Variants in IRS1 observed in about 807,000 individuals in gnomAD.
IRS1 encodes the protein insulin receptor substrate 1.
Under a neutral mutation model 65.6 loss-of-function variants are expected in IRS1, and 34 were observed. The observed-to-expected ratio is 0.52, with a 90% CI of 0.39 to 0.69. The LOEUF is 0.69. IRS1 is among the 30% of genes least tolerant of loss of function. IRS1 has a pLI of 0.00. For missense variants in IRS1, 1,641 were observed against 1,720.2 expected, an observed-to-expected ratio of 0.95 and a Z score of 0.81; for synonymous variants, 699 against 683.5, an observed-to-expected ratio of 1.02 and a Z score of -0.35.
chr2:226,737,532 G>A (rs541069577), intron 1 of IRS1, among the ~76,000 whole-genome samples: 10 of 152,292 alleles, frequency 6.6e-5, no homozygotes, highest in Non-Finnish European at 5.9e-5. Flanking sequence ...GAATGAGTAC[G>A]TGGTTGCACT....
rs553359474 is a variant in IRS1 at position 226,795,224 on chromosome 2, C to A, written c.3515G>T (p.Gly1172Val). Reference protein sequence around the residue: ...EPAKLCGAAGGLENGLNYIDL... With the variant: ...EPAKLCGAAGVLENGLNYIDL... ...TATGTAGTTAAGACCATTCTCCAAACCCCCAGCAGCCCCACACAGTTTGGC... is the reference window on the plus strand; with the variant it reads ...TATGTAGTTAAGACCATTCTCCAAAACCCCAGCAGCCCCACACAGTTTGGC... The change falls in exon 1 of 2, where the codon GGT becomes GTT. Residue 1172 changes from glycine to valine, a missense_variant. This residue lies in a region of IRS1 where 1,324 missense variants were observed against 1,361.0 expected (regional missense o/e 0.97). Transcript: ENST00000305123. The A allele has an allele frequency of 7.4e-6, 12 of 1,614,050 alleles. No individual in the cohort carries two copies. The Admixed American group carries it at 1.2e-4, about 16-fold the overall frequency.
Position 226,799,628 on chromosome 2 carries a change from A to G in IRS1, c.-890T>C. 1 of 1,002,200 alleles carries G rather than the reference A, an allele frequency of 1.0e-6. No homozygotes were observed. Among genetic ancestry groups the G allele is most frequent in the Non-Finnish European group, 1.2e-6 (1 of 831,706 alleles). 62.1% of individuals were successfully genotyped at this position (1,002,200 alleles called of 1,614,324 possible). On this transcript the variant is annotated 5_prime_UTR_variant, in exon 1 of 2. Transcript: ENST00000305123. The surrounding 1 kb of genome is among the most constrained non-coding windows in gnomAD (Gnocchi z 6.1). ...TCGGGGAAGACGCCTGTTCCTCGGGAGGCGCTGCCGCTGCAGTTACTTCTC... is the reference window on the plus strand; with the variant it reads ...TCGGGGAAGACGCCTGTTCCTCGGGGGGCGCTGCCGCTGCAGTTACTTCTC...
intron 1 of IRS1, among the ~76,000 whole-genome samples, chr2:226,744,728 C>T (rs1419873311): frequency 2.0e-5 from 3 of 152,156 alleles, no homozygotes; most frequent in African/African-American, 7.2e-5. Context: ...CATCCCCTCA[C>T]CCCCAGCCAT....
rs1247669490 is a variant in IRS1, at chr2:226,797,909, G to C, written c.830C>G (p.Ser277Cys). 6.2e-7 allele frequency: 1 copy of C among 1,613,814 alleles called. No individual in the cohort carries two copies. Among genetic ancestry groups the C allele is most frequent in the Non-Finnish European group, 8.5e-7 (1 of 1,179,978 alleles). The change falls in exon 1 of 2, where the codon TCT becomes TGT. Residue 277 changes from serine (S) to cysteine (C), a missense_variant. Coordinates refer to ENST00000305123, the MANE Select transcript of IRS1 (RefSeq NM_005544.3). This position sits in a 1 kb window ranked among gnomAD's most constrained non-coding sequence, Gnocchi z 8.1. ...RSKSQSSSNC[S>C]NPISVPLRRH... The stretch of plus-strand genomic sequence containing the variant: ...GCGCAGGGGGACGCTGATGGGGTTA[G>C]AGCAGTTGGACGAGGACTGGCTCTT...
At chr2:226,776,119 A>T (rs1477080937) in intron 1 of IRS1, among the ~76,000 whole-genome samples, 1 of 152,174 alleles carries the variant, frequency 6.6e-6, no homozygotes, top group African/African-American at 2.4e-5. Flanking sequence ...AGTGTCAAAA[A>T]GTAAGGGAAT....
intron 1 of IRS1, among the ~76,000 whole-genome samples, chr2:226,780,256 G>A (rs1939356304): frequency 1.3e-5 from 2 of 152,132 alleles, no homozygotes; most frequent in African/African-American, 2.4e-5. Flanking sequence ...GCTGGGCATG[G>A]TGGCAGGTGC....
At chr2:226,792,636 C>T (rs2106183091) in intron 1 of IRS1, among the ~76,000 whole-genome samples, 1 of 152,254 alleles carries the variant, frequency 6.6e-6, no homozygotes, top group Admixed American at 6.5e-5. Context: ...TTAAACAAGC[C>T]GAGATGTTTC....
chr2:226,764,953 C>T (rs954411436), intron 1 of IRS1, among the ~76,000 whole-genome samples: 5 of 152,160 alleles, frequency 3.3e-5, no homozygotes, highest in East Asian at 1.9e-4. Context: ...AGAAGTCTAT[C>T]GCACAAACTT....
intron 1 of IRS1, among the ~76,000 whole-genome samples, chr2:226,749,829 G>A: frequency 6.6e-6 from 1 of 152,126 alleles, no homozygotes. Flanking sequence ...TTCTACAGGT[G>A]GCATCTACCA....
At chr2:226,745,376 C>T (rs530708473) in intron 1 of IRS1, among the ~76,000 whole-genome samples, 13 of 152,114 alleles carry the variant, frequency 8.5e-5, no homozygotes, top group Non-Finnish European at 1.8e-4. Flanking sequence ...GGGAATTCAA[C>T]CCCAAAAAAG....
chr2:226,766,329 A>G (rs1939048146), intron 1 of IRS1, among the ~76,000 whole-genome samples: 1 of 149,498 alleles, frequency 6.7e-6, no homozygotes, highest in South Asian at 2.1e-4. Context: ...AACCTCAGCT[A>G]ATTTTTGTAT....
chr2:226,796,969 G>A lies in IRS1; in HGVS notation c.1770C>T (p.His590=). The change falls in exon 1 of 2, where the codon CAC becomes CAT. Residue 590 remains histidine (H), a synonymous_variant. Transcript: ENST00000305123. ...GGTGCCCCCCCCGACGCTCCAAGGGGTGCATTTCCAGACCCTCCTCTGGGT... is the reference window on the plus strand; with the variant it reads ...GGTGCCCCCCCCGACGCTCCAAGGGATGCATTTCCAGACCCTCCTCTGGGT... ...RSYPEEGLEM[H]PLERRGGHHR... The A allele has an allele frequency of 1.3e-6, 2 of 1,578,756 alleles. No individual in the cohort carries two copies. Among genetic ancestry groups the A allele is most frequent in the Admixed American group, 1.7e-5 (1 of 58,194 alleles).
At chr2:226,741,822 CACACAT>C (rs1938445186) in intron 1 of IRS1, among the ~76,000 whole-genome samples, 2 of 133,174 alleles carry the variant, frequency 1.5e-5, no homozygotes, top group African/African-American at 5.5e-5. Flanking sequence ...CACACACACA[CACACAT>C]AACACACACA....
intron 1 of IRS1, among the ~76,000 whole-genome samples, chr2:226,760,917 G>A (rs1421087345): frequency 6.6e-6 from 1 of 152,210 alleles, no homozygotes; most frequent in Non-Finnish European, 1.5e-5. Context: ...GCTGTCACCA[G>A]AAGACTTGGA....
At chr2:226,751,559 A>C (rs746971169) in intron 1 of IRS1, among the ~76,000 whole-genome samples, 7 of 152,086 alleles carry the variant, frequency 4.6e-5, no homozygotes, top group African/African-American at 1.7e-4. Context: ...CTGGCATTAC[A>C]GGCGTGAGCC....
chr2:226,781,223 T>A (rs1939375416), intron 1 of IRS1, among the ~76,000 whole-genome samples: 1 of 152,236 alleles, frequency 6.6e-6, no homozygotes, highest in African/African-American at 2.4e-5. Flanking sequence ...GATTTTACAT[T>A]GCAAATGCAA....
chr2:226,766,539 G>A (rs1401060985), intron 1 of IRS1, among the ~76,000 whole-genome samples: 1 of 152,050 alleles, frequency 6.6e-6, no homozygotes, highest in Non-Finnish European at 1.5e-5. Flanking sequence ...TTCAACAGTT[G>A]ACTCATCTGC....
rs1174574402 is a variant in IRS1, at chr2:226,795,558, C to A, written c.3181G>T (p.Gly1061Trp). 1.2e-6 allele frequency: 2 copies of A among 1,613,044 alleles called. No homozygotes were observed. The highest frequency in any genetic ancestry group is 4.5e-5 in the East Asian group (2 of 44,888). Residue 1061 changes from glycine to tryptophan, a missense_variant, in exon 1 of 2, where the codon GGG becomes TGG. Transcript: ENST00000305123. ...ATGCCCCCAGGTCCTTGTGGGCCCCCCAGCAGGGACGAGTGGGCAGCCAGC... is the reference window on the plus strand; with the variant it reads ...ATGCCCCCAGGTCCTTGTGGGCCCCACAGCAGGGACGAGTGGGCAGCCAGC... The part of the protein sequence containing the change: ...AELAAHSSLL[G>W]GPQGPGGMSA...
At chr2:226,766,653 C>CTTTTGTGAA (rs1939054412) in intron 1 of IRS1, among the ~76,000 whole-genome samples, 1 of 152,084 alleles carries the variant, frequency 6.6e-6, no homozygotes, top group South Asian at 2.1e-4. Context: ...GGTGTATTTC[C>CTTTTGTGAA]ACACTGAATA....
Sources: gnomAD v4.1 joint callset for allele counts (sites outside exome capture counted in the v4.1 genomes callset) on GRCh38, gnomAD v4.1.1 for gene constraint, gnomAD v4.1.1 regional missense constraint, Gnocchi (gnomAD v3.1) non-coding constraint, MANE v1.5 for transcripts, NCBI Gene and HGNC (gene_info 2026-07-23, HGNC 2026-07-21) for gene names.